The following NR2F6 variants were observed in gnomAD, a reference collection of about 807,000 sequenced individuals.
NR2F6 encodes the protein nuclear receptor subfamily 2 group F member 6.
A neutral mutation model predicts 26.5 loss-of-function variants in NR2F6; 16 were observed. The ratio of observed to expected loss-of-function variants is 0.60; its 90% CI spans 0.41 to 0.92. The LOEUF is 0.92. NR2F6 is among the 40% of genes least tolerant of loss of function. The pLI is 0.00. For synonymous variants in NR2F6, 325 were observed against 305.0 expected (o/e 1.07, Z -0.68); for missense variants, 536 against 631.7 (o/e 0.85, Z 1.62).
At chr19:17,233,058 G>A (rs1429827081) in intron 3 of NR2F6, among the ~76,000 whole-genome samples, 3 of 152,160 alleles carry the variant, frequency 2.0e-5, no homozygotes, top group Non-Finnish European at 4.4e-5. Context: ...CTAATGGGAG[G>A]ATCGCTTGAG....
rs1480561703 is a variant in NR2F6 at position 17,235,673 on chromosome 19, T to C, written c.766A>G (p.Thr256Ala). The C allele has an allele frequency of 1.3e-6, 2 of 1,509,522 alleles. No individual in the cohort carries two copies. Among genetic ancestry groups the C allele is most frequent in the Non-Finnish European group, 1.8e-6 (2 of 1,138,012 alleles). The allele number at this position is 1,509,522 out of a possible 1,614,324, so 93.5% of individuals were successfully genotyped here. ...CCGGCGGCGGCCAGTAGCGGCGCCGTGTGCAGGGGCAGCGCCGCCTGCGCC... is the reference window on the plus strand; with the variant it reads ...CCGGCGGCGGCCAGTAGCGGCGCCGCGTGCAGGGGCAGCGCCGCCTGCGCC... Reference protein sequence around the residue: ...NAAQAALPLHTAPLLAAAGLH... With the variant: ...NAAQAALPLHAAPLLAAAGLH... The change falls in exon 3 of 4, where the codon ACG becomes GCG. Residue 256 changes from threonine (T) to alanine (A), a missense_variant. By Grantham distance (58) the Thr-to-Ala change is moderately conservative. Transcript: ENST00000291442. This position sits in a 1 kb window ranked among gnomAD's most constrained non-coding sequence, Gnocchi z 5.0.
intron 1 of NR2F6, among the ~76,000 whole-genome samples, chr19:17,243,317 G>A (rs1055033390): frequency 6.6e-6 from 1 of 152,198 alleles, no homozygotes; most frequent in Non-Finnish European, 1.5e-5. Flanking sequence ...CTTGGAGCTG[G>A]GGTCTCTCTG....
At position 17,245,073 on chromosome 19, in the gene NR2F6, G is replaced by A. The variant is rs202073582; in HGVS notation, c.148C>T (p.Pro50Ser). ...SDAEPGDEER[P>S]GLQVDCVVCG... ...ACCACGCAGTCCACCTGCAGCCCCG[G>A]CCGCTCCTCGTCGCCCGGCTCGGCG... is the stretch of plus-strand genomic sequence containing the variant. The change falls in exon 1 of 4, where the codon CCG becomes TCG. Residue 50 changes from proline (P) to serine (S), a missense_variant. By Grantham distance (74) the Pro-to-Ser change is moderately conservative. Coordinates refer to ENST00000291442, the MANE Select transcript of NR2F6 (RefSeq NM_005234.4). The surrounding 1 kb of genome is among the most constrained non-coding windows in gnomAD (Gnocchi z 5.0). 4.1e-5 allele frequency: 66 copies of A among 1,593,686 alleles called. No homozygotes were observed. Among genetic ancestry groups the A allele is most frequent in the Non-Finnish European group, 6.0e-6 (7 of 1,171,804 alleles).
At chr19:17,241,841 C>A (rs1325003707) in intron 1 of NR2F6, among the ~76,000 whole-genome samples, 12 of 150,156 alleles carry the variant, frequency 8.0e-5, no homozygotes, top group Non-Finnish European at 1.5e-5. Flanking sequence ...CATGGTGAAA[C>A]CCCGTCTCTA....
At position 17,241,545 on chromosome 19, in the gene NR2F6, T is replaced by G. The variant is rs2073469319; in HGVS notation, c.279-780A>C. On this transcript the variant is annotated intron_variant, in intron 1 of 3. Coordinates refer to ENST00000291442, the MANE Select transcript of NR2F6 (RefSeq NM_005234.4). ...CCAAGCAGGAAGGTCCAGGCCTTATTCTTCAAATGTCCCCAGAACCTTCTC... is the reference window on the plus strand; with the variant it reads ...CCAAGCAGGAAGGTCCAGGCCTTATGCTTCAAATGTCCCCAGAACCTTCTC... 2.0e-5 allele frequency among the ~76,000 whole-genome samples: 3 copies of G among 152,214 alleles called. No individual in the cohort carries two copies. The South Asian group carries it at 6.2e-4, about 31-fold the overall frequency.
intron 2 of NR2F6, among the ~76,000 whole-genome samples, chr19:17,237,939 A>G (rs1185698202): frequency 6.6e-6 from 1 of 152,178 alleles, no homozygotes; most frequent in Non-Finnish European, 1.5e-5. Context: ...CAGGAGTTTG[A>G]GACCAGCCTG....
In NR2F6 at chr19:17,232,356, T is replaced by A; in HGVS notation, c.1211A>T (p.Gln404Leu). The part of the protein sequence containing the change: ...STFNWPYGSG[Q>L] ...GCACACGTGGCCCCGTCATGGTCAC[T>A]GGCCCGAGCCGTAGGGCCAGTTGAA... Residue 404 changes from glutamine to leucine, a missense_variant, in exon 4 of 4, where the codon CAG becomes CTG. Transcript: ENST00000291442. The A allele has an allele frequency of 1.2e-6, 2 of 1,613,800 alleles. No homozygotes were observed. The highest frequency in any genetic ancestry group is 1.7e-6 in the Non-Finnish European group (2 of 1,180,020).
intron 2 of NR2F6, 22 bp from the exon 3 acceptor site, chr19:17,236,087 G>A (rs1385707382): frequency 9.2e-7 from 1 of 1,088,174 alleles, no homozygotes. Context: ...GGGGACAGGA[G>A]GGACATGGGG....
At position 17,245,701 on chromosome 19, in the gene NR2F6, G is replaced by C. The variant is rs2073495018; in HGVS notation, c.-481C>G. 7 of 146,116 alleles carry C rather than the reference G, an allele frequency of 4.8e-5. 1 individual carries two copies. The South Asian group carries it at 1.5e-3, about 30-fold the overall frequency. 9.1% of individuals were successfully genotyped at this position (146,116 alleles called of 1,614,324 possible). On this transcript the variant is annotated 5_prime_UTR_variant, in exon 1 of 4. Transcript: ENST00000291442. This position sits in a 1 kb window ranked among gnomAD's most constrained non-coding sequence, Gnocchi z 5.0. ...CGCCCGTGGCGGGGGGGGAGGGGCG[G>C]CGGGTGCGCGCCGGGGCTGATCGCC...
Position 17,236,078 on chromosome 19 carries a change from G to A in NR2F6, c.374-13C>T, listed in dbSNP as rs2073435901. On this transcript the variant is annotated splice_polypyrimidine_tract_variant and intron_variant, in intron 2 of 3. Transcript: ENST00000291442. Reference sequence around the variant, plus strand: ...CCGCGCTGCACCGCTGCGGGAGGCGGGGACAGGAGGGACATGGGGGCGGGA... The same window carrying A: ...CCGCGCTGCACCGCTGCGGGAGGCGAGGACAGGAGGGACATGGGGGCGGGA... The A allele has an allele frequency of 2.5e-6, 3 of 1,200,174 alleles. No homozygotes were observed. Among genetic ancestry groups the A allele is most frequent in the Non-Finnish European group, 3.1e-6 (3 of 970,990 alleles). 74.3% of individuals were successfully genotyped at this position (1,200,174 alleles called of 1,614,324 possible). A position where few individuals can be genotyped will look rare whatever the true frequency, so the allele number is the denominator to read the frequency against.
chr19:17,236,835 G>A (rs533777988), intron 2 of NR2F6, among the ~76,000 whole-genome samples: 3 of 152,334 alleles, frequency 2.0e-5, no homozygotes, highest in Non-Finnish European at 2.9e-5. Flanking sequence ...AACATTAGCC[G>A]CCATCAGTAG....
chr19:17,245,661 C>G lies in NR2F6; in HGVS notation c.-441G>C, dbSNP rs934828257. 1 of 146,378 alleles carries G rather than the reference C, an allele frequency of 6.8e-6. No homozygotes were observed. The highest frequency in any genetic ancestry group is 2.1e-4 in the South Asian group (1 of 4,818). The allele number at this position is 146,378 out of a possible 1,614,324, so 9.1% of individuals were successfully genotyped here. A position where few individuals can be genotyped will look rare whatever the true frequency, so the allele number is the denominator to read the frequency against. On this transcript the variant is annotated 5_prime_UTR_variant, in exon 1 of 4. Coordinates refer to ENST00000291442, the MANE Select transcript of NR2F6 (RefSeq NM_005234.4). This position sits in a 1 kb window ranked among gnomAD's most constrained non-coding sequence, Gnocchi z 5.0. ...CGGGAGGCCGGGGGGAAAGTTTGGC[C>G]GCAAGTTGCGCGGCCGCCCGTGGCG...
rs2073489749 is a variant in NR2F6 at position 17,245,013 on chromosome 19, C to T, written c.208G>A (p.Val70Ile). 1 of 1,598,200 alleles carries T rather than the reference C, an allele frequency of 6.3e-7. No individual in the cohort carries two copies. Among genetic ancestry groups the T allele is most frequent in the East Asian group, 2.3e-5 (1 of 44,108 alleles). The change falls in exon 1 of 4, where the codon GTC becomes ATC. Residue 70 changes from valine (V) to isoleucine (I), a missense_variant. Coordinates refer to ENST00000291442, the MANE Select transcript of NR2F6 (RefSeq NM_005234.4). The surrounding 1 kb of genome is among the most constrained non-coding windows in gnomAD (Gnocchi z 5.0). Reference sequence around the variant, plus strand: ...CTCTTGCAGCCCTCGCAGGTGAAGACACCGTAATGCTTGCCGCTCGACTTG... The same window carrying T: ...CTCTTGCAGCCCTCGCAGGTGAAGATACCGTAATGCTTGCCGCTCGACTTG... ...GDKSSGKHYG[V>I]FTCEGCKSFF...
At position 17,240,753 on chromosome 19, in the gene NR2F6, G is replaced by A. The variant is rs1423669931; in HGVS notation, c.291C>T (p.Asp97=). 4 of 1,613,964 alleles carry A rather than the reference G, an allele frequency of 2.5e-6. No homozygotes were observed. In the Admixed American group the frequency reaches 5.0e-5, roughly 20 times the overall value. ...NLSYTCRSNR[D]CQIDQHHRNQ... ...TCCGGTGGTGCTGGTCGATCTGGCAGTCACGGTTGGACCTGGGGGCACACA... is the reference window on the plus strand; with the variant it reads ...TCCGGTGGTGCTGGTCGATCTGGCAATCACGGTTGGACCTGGGGGCACACA... Residue 97 remains aspartate, a synonymous_variant, in exon 2 of 4, where the codon GAC becomes GAT. Coordinates refer to ENST00000291442, the MANE Select transcript of NR2F6 (RefSeq NM_005234.4).
At chr19:17,242,291 C>T (rs796139387) in intron 1 of NR2F6, among the ~76,000 whole-genome samples, 5 of 152,340 alleles carry the variant, frequency 3.3e-5, no homozygotes, top group African/African-American at 1.2e-4. Flanking sequence ...GCACTCCAGC[C>T]TGGGCAACAA....
Position 17,236,759 on chromosome 19 carries a change from A to G in NR2F6, c.374-694T>C, listed in dbSNP as rs2073440820. On this transcript the variant is annotated intron_variant, in intron 2 of 3. Coordinates refer to ENST00000291442, the MANE Select transcript of NR2F6 (RefSeq NM_005234.4). ...TGGGTCCCTGCAGAGGCTACAGTGCAGGGAAGGGTTGGGGGGGACCTACAG... is the reference window on the plus strand; with the variant it reads ...TGGGTCCCTGCAGAGGCTACAGTGCGGGGAAGGGTTGGGGGGGACCTACAG... Among the ~76,000 whole-genome samples, 4 of 151,402 alleles carry G rather than the reference A, an allele frequency of 2.6e-5. No individual in the cohort carries two copies. The South Asian group carries it at 8.4e-4, about 32-fold the overall frequency.
chr19:17,232,604 CG>C lies in NR2F6; in HGVS notation c.962del (p.Pro321ArgfsTer65). On this transcript the variant is annotated frameshift_variant, in exon 4 of 4. Transcript: ENST00000291442. LOFTEE classifies it high-confidence loss of function. ...TCTCCTGCAGGCTCTCAACGTGGGC[CG>C]GGTCTGAGAGGCCACAGGCGTCTAG... The part of the protein sequence containing the change: ...FTPDACGLSD[P>X]AHVESLQEKA... The C allele has an allele frequency of 6.4e-7, 1 of 1,553,330 alleles. No individual in the cohort carries two copies.
At chr19:17,238,026 G>C (rs1046792070) in intron 2 of NR2F6, among the ~76,000 whole-genome samples, 2 of 152,124 alleles carry the variant, frequency 1.3e-5, no homozygotes, top group Non-Finnish European at 2.9e-5. Flanking sequence ...TGTAATCTCA[G>C]CTACTCAGGA....
Position 17,232,018 on chromosome 19 carries a change from AG to A in NR2F6, c.*333del. The A allele has an allele frequency of 3.0e-6, 1 of 332,634 alleles. No homozygotes were observed. The highest frequency in any genetic ancestry group is 5.6e-6 in the Non-Finnish European group (1 of 179,494). The allele number at this position is 332,634 out of a possible 1,614,324, so 20.6% of individuals were successfully genotyped here. ...TGGAGCAGCCCCTCTGGCCGACGCC[AG>A]GCCTTTGTCCATCATGCCAGGGAAG... is the stretch of plus-strand genomic sequence containing the variant. On this transcript the variant is annotated 3_prime_UTR_variant, in exon 4 of 4. Coordinates refer to ENST00000291442, the MANE Select transcript of NR2F6 (RefSeq NM_005234.4).
Sources: gnomAD v4.1 joint callset for allele counts (sites outside exome capture counted in the v4.1 genomes callset) on GRCh38, gnomAD v4.1.1 for gene constraint, Gnocchi (gnomAD v3.1) non-coding constraint, MANE v1.5 for transcripts, NCBI Gene and HGNC (gene_info 2026-07-23, HGNC 2026-07-21) for gene names.